The following SVOPL variants were observed in gnomAD, a reference collection of about 807,000 sequenced individuals.
SVOPL encodes SVOP like.
A neutral mutation model predicts 61.0 loss-of-function variants in SVOPL; 60 were observed. The ratio of observed to expected loss-of-function variants is 0.98; its 90% CI spans 0.80 to 1.22. The LOEUF (loss-of-function observed/expected upper bound fraction) is 1.22, where lower values mean the gene tolerates loss of function less well. SVOPL is among the 50% of genes most tolerant of loss of function. The pLI is 0.00. For synonymous variants in SVOPL, 279 were observed against 250.0 expected, an observed-to-expected ratio of 1.12 and a Z score of -1.09; for missense variants, 662 against 643.9, an observed-to-expected ratio of 1.03 and a Z score of -0.30.
chr7:138,671,033 G>T (rs1196742694), intron 4 of SVOPL, among the ~76,000 whole-genome samples: 3 of 152,150 alleles, frequency 2.0e-5, no homozygotes, highest in African/African-American at 7.2e-5. Flanking sequence ...TGTTGATTTT[G>T]GTTATAAGAA....
At chr7:138,613,645 T>C (rs1414668761) in intron 14 of SVOPL, among the ~76,000 whole-genome samples, 2 of 152,120 alleles carry the variant, frequency 1.3e-5, no homozygotes, top group African/African-American at 4.8e-5. Flanking sequence ...AAAAAGCCTG[T>C]CACCCCTTTT....
chr7:138,690,785 T>G (rs1035752248), intron 1 of SVOPL, among the ~76,000 whole-genome samples: 2 of 151,386 alleles, frequency 1.3e-5, no homozygotes, highest in African/African-American at 4.9e-5. Context: ...TCTTTCTTTT[T>G]TTAATGGGAC....
At chr7:138,659,219 C>G (rs1801889098) in intron 6 of SVOPL, among the ~76,000 whole-genome samples, 1 of 152,150 alleles carries the variant, frequency 6.6e-6, no homozygotes, top group Non-Finnish European at 1.5e-5. Flanking sequence ...CAGCCAGGCA[C>G]AGTGACTCAC....
At chr7:138,662,432 G>A (rs1229546884) in intron 5 of SVOPL, 1 of 985,218 alleles carries the variant, frequency 1.0e-6, no homozygotes, top group African/African-American at 1.7e-5. Flanking sequence ...CAACCTACTT[G>A]GGTGCTCTGG....
chr7:138,626,953 G>A (rs1438841694), intron 12 of SVOPL, among the ~76,000 whole-genome samples: 4 of 152,088 alleles, frequency 2.6e-5, no homozygotes, highest in Non-Finnish European at 5.9e-5. Flanking sequence ...GCCACTCCAG[G>A]ACTGCAATTT....
rs1053203914 is a variant in SVOPL at position 138,680,036 on chromosome 7, C to T, written c.-34-957G>A. On this transcript the variant is annotated intron_variant, in intron 1 of 15. Transcript: ENST00000674285. ...CTTGAGCCTGGGGCCAGACGCAGGC[C>T]TTGGCAATTTAACCAAGAGCATCCT... Among the ~76,000 whole-genome samples, 30 of 152,166 alleles carry T rather than the reference C, an allele frequency of 2.0e-4. 1 individual carries two copies. Among genetic ancestry groups the T allele is most frequent in the African/African-American group, 7.0e-4 (29 of 41,432 alleles).
chr7:138,631,960 T>TCACACACACACA (rs756332176), intron 9 of SVOPL, among the ~76,000 whole-genome samples: 6,804 of 146,922 alleles, frequency 0.046, 177 homozygotes, highest in East Asian at 0.091. Context: ...TGCTCTGATA[T>TCACACACACACA]CACACACACA....
chr7:138,644,569 ATG>A, intron 9 of SVOPL, 146 bp downstream of exon 9: 1 of 1,163,962 alleles, frequency 8.6e-7, no homozygotes, highest in Admixed American at 2.9e-5. Flanking sequence ...GTGAAAATGA[ATG>A]TAGCCTCACA....
At chr7:138,678,390 A>G in intron 3 of SVOPL, 44 bp downstream of exon 3, 1 of 1,532,882 alleles carries the variant, frequency 6.5e-7, no homozygotes, top group Non-Finnish European at 8.8e-7. Flanking sequence ...CAAATATTTT[A>G]CAGAGTTTGA....
At chr7:138,624,647 A>T (rs1000982164) in intron 13 of SVOPL, among the ~76,000 whole-genome samples, 11 of 152,098 alleles carry the variant, frequency 7.2e-5, no homozygotes, top group Middle Eastern at 6.8e-3. Context: ...GATTTTCCTC[A>T]TATATTATGC....
intron 14 of SVOPL, among the ~76,000 whole-genome samples, chr7:138,609,721 G>T (rs1341274627): frequency 9.6e-5 from 14 of 145,850 alleles, no homozygotes; most frequent in East Asian, 3.9e-4. Flanking sequence ...TTTTTTTTTG[G>T]GGGGGGTGGG....
intron 1 of SVOPL, chr7:138,689,078 C>T: frequency 1.4e-6 from 1 of 736,784 alleles, no homozygotes; most frequent in Non-Finnish European, 2.5e-6. Context: ...ATGACACTTC[C>T]CAGGTCATCA....
At chr7:138,698,109 G>A (rs959159009) in intron 1 of SVOPL, among the ~76,000 whole-genome samples, 1 of 151,324 alleles carries the variant, frequency 6.6e-6, no homozygotes, top group Non-Finnish European at 1.5e-5. Flanking sequence ...AGGAAGGGAT[G>A]AGGGAAGAGT....
chr7:138,622,137 T>TC (rs1563096355), intron 13 of SVOPL, among the ~76,000 whole-genome samples: 2 of 134,638 alleles, frequency 1.5e-5, no homozygotes, highest in Admixed American at 7.6e-5. Flanking sequence ...TATCTATCTA[T>TC]GTATCTATCT....
At chr7:138,690,624 G>C (rs147460317) in intron 1 of SVOPL, among the ~76,000 whole-genome samples, 1 of 151,904 alleles carries the variant, frequency 6.6e-6, no homozygotes, top group Non-Finnish European at 1.5e-5. Flanking sequence ...GAGTGGTTGC[G>C]GGGGGAGGAG....
intron 1 of SVOPL, among the ~76,000 whole-genome samples, chr7:138,683,913 G>C (rs1802750834): frequency 6.6e-6 from 1 of 150,650 alleles, no homozygotes; most frequent in Admixed American, 6.6e-5. Context: ...TTAGCCAGGT[G>C]TGGTGGTGTA....
At position 138,627,432 on chromosome 7, in the gene SVOPL, A is replaced by G. The variant is rs1424371733; in HGVS notation, c.1099T>C (p.Phe367Leu). 1 of 1,613,798 alleles carries G rather than the reference A, an allele frequency of 6.2e-7. No individual in the cohort carries two copies. The highest frequency in any genetic ancestry group is 1.7e-5 in the Admixed American group (1 of 60,012). ...LNPLNILGIN[F>L]LGRRLSLSIT... is the part of the protein sequence containing the mutation. ...GAAAGGCTCAGCCGTCTTCCCAGGA[A>G]ATTGATGCCCAGTATATTTAAAGGA... Residue 367 changes from phenylalanine (F) to leucine (L), a missense_variant, in exon 12 of 16, where the codon TTC becomes CTC. Transcript: ENST00000674285.
chr7:138,678,899 A>G (rs1039554352), intron 2 of SVOPL, 65 bp downstream of exon 2: 11 of 1,486,910 alleles, frequency 7.4e-6, no homozygotes, highest in Admixed American at 2.1e-5. Flanking sequence ...TTTTGCATTT[A>G]ACCTTAAAAA....
At chr7:138,598,124 A>G (rs1442643213) in intron 14 of SVOPL, among the ~76,000 whole-genome samples, 1 of 152,238 alleles carries the variant, frequency 6.6e-6, no homozygotes, top group Admixed American at 6.5e-5. Flanking sequence ...TATAAAAATC[A>G]TTTTGGAAAT....
Sources: gnomAD v4.1 joint callset for allele counts (sites outside exome capture counted in the v4.1 genomes callset) on GRCh38, gnomAD v4.1.1 for gene constraint, MANE v1.5 for transcripts, NCBI Gene and HGNC (gene_info 2026-07-23, HGNC 2026-07-21) for gene names.